Variants in G3BP2 observed in about 807,000 individuals in gnomAD.
The protein encoded by G3BP2 is ras GTPase-activating protein-binding protein 2.
A neutral mutation model predicts 56.7 loss-of-function variants in G3BP2; 11 were observed. The ratio of observed to expected loss-of-function variants is 0.19; its 90% CI spans 0.12 to 0.32. G3BP2 has a LOEUF of 0.32. G3BP2 is among the 10% of genes least tolerant of loss of function. The pLI, the probability that G3BP2 is intolerant of heterozygous loss-of-function variation, is 1.00. For synonymous variants in G3BP2, 165 were observed against 191.6 expected (o/e 0.86, Z 1.15); for missense variants, 340 against 610.9 (o/e 0.56, Z 4.67).
intron 3 of G3BP2, among the ~76,000 whole-genome samples, chr4:75,703,748 A>C (rs7659408): frequency 0.88 from 133,236 of 152,190 alleles, 58,342 homozygotes; most frequent in East Asian, 0.91. Context: ...AGCAGGCACC[A>C]GGATGTGGAT....
chr4:75,662,097 T>C (rs1238888993), intron 1 of G3BP2, 48 bp from the exon 2 acceptor site: 4 of 1,054,082 alleles, frequency 3.8e-6, no homozygotes, highest in East Asian at 2.4e-5. Flanking sequence ...ATCTTTGTCA[T>C]CAACCACCAT....
intron 3 of G3BP2, among the ~76,000 whole-genome samples, chr4:75,701,322 C>T (rs1309483436): frequency 6.6e-6 from 1 of 152,090 alleles, no homozygotes; most frequent in Admixed American, 6.5e-5. Flanking sequence ...GACACAGTCT[C>T]ACTCTTGCTG....
At chr4:75,686,505 G>A (rs1339874594) in intron 3 of G3BP2, among the ~76,000 whole-genome samples, 1 of 146,992 alleles carries the variant, frequency 6.8e-6, no homozygotes, top group Non-Finnish European at 1.5e-5. Flanking sequence ...AGCGAAGGAA[G>A]TGCAGTGGTT....
intron 3 of G3BP2, among the ~76,000 whole-genome samples, chr4:75,709,565 T>C (rs1456640861): frequency 6.7e-6 from 1 of 149,546 alleles, no homozygotes; most frequent in African/African-American, 2.5e-5. Flanking sequence ...TGAGCCATGA[T>C]CATGCCACTG....
chr4:75,711,307 A>G, intron 3 of G3BP2, among the ~76,000 whole-genome samples: 1 of 150,912 alleles, frequency 6.6e-6, no homozygotes, highest in South Asian at 2.1e-4. Flanking sequence ...CGGTTGAGTG[A>G]GACCCCATCT....
intron 3 of G3BP2, among the ~76,000 whole-genome samples, chr4:75,693,814 A>T (rs1397278352): frequency 1.3e-5 from 2 of 149,818 alleles, no homozygotes; most frequent in African/African-American, 4.9e-5. Context: ...GCTGGACTGC[A>T]ACCTCAAACT....
chr4:75,695,302 A>G (rs2149087257), intron 3 of G3BP2, among the ~76,000 whole-genome samples: 1 of 152,276 alleles, frequency 6.6e-6, no homozygotes, highest in South Asian at 2.1e-4. Flanking sequence ...ATCAGACTCA[A>G]TTCTAAGATC....
At chr4:75,695,994 AAAAAAAAG>A (rs201701465) in intron 3 of G3BP2, among the ~76,000 whole-genome samples, 4,239 of 12,524 alleles carry the variant, frequency 0.34, 405 homozygotes, top group African/African-American at 0.45. Context: ...AAAAAAAAAA[AAAAAAAAG>A]AGTTAACAGA....
chr4:75,693,731 G>A (rs559900557), intron 3 of G3BP2, among the ~76,000 whole-genome samples: 33 of 151,438 alleles, frequency 2.2e-4, no homozygotes, highest in African/African-American at 7.0e-4. Context: ...AGAGTTTGCA[G>A]TGAGCCAAGA....
chr4:75,672,560 G>A (rs993195198), intron 1 of G3BP2: 1 of 152,450 alleles, frequency 6.6e-6, no homozygotes, highest in South Asian at 2.1e-4. Flanking sequence ...GGAGAGGGGG[G>A]TTGGTCAAAC....
chr4:75,664,630 T>C (rs1732853757), intron 1 of G3BP2, among the ~76,000 whole-genome samples: 2 of 146,772 alleles, frequency 1.4e-5, no homozygotes, highest in Admixed American at 6.7e-5. Context: ...GGAGGATCAT[T>C]TGAGATCAGG....
intron 2 of G3BP2, among the ~76,000 whole-genome samples, chr4:75,660,852 A>T (rs758214238): frequency 6.6e-6 from 1 of 152,192 alleles, no homozygotes; most frequent in Non-Finnish European, 1.5e-5. Context: ...ATACACCAAG[A>T]AGAACAAAAA....
chr4:75,709,854 C>T (rs1236690689), intron 3 of G3BP2, among the ~76,000 whole-genome samples: 1 of 150,076 alleles, frequency 6.7e-6, no homozygotes, highest in Non-Finnish European at 1.5e-5. Context: ...CAGTTTTTTA[C>T]AGTATCATCT....
At chr4:75,660,686 A>G (rs913660695) in intron 2 of G3BP2, among the ~76,000 whole-genome samples, 3 of 152,250 alleles carry the variant, frequency 2.0e-5, no homozygotes, top group Non-Finnish European at 4.4e-5. Flanking sequence ...AATGCTAATT[A>G]AGATGACCTA....
At chr4:75,674,880 A>G (rs1238870803), upstream of G3BP2, among the ~76,000 whole-genome samples, 2 of 150,690 alleles carry the variant, frequency 1.3e-5, no homozygotes, top group South Asian at 2.1e-4. Flanking sequence ...ATGCCACCAC[A>G]CCCAACTAAT....
chr4:75,687,070 A>C (rs2149075830), intron 3 of G3BP2, among the ~76,000 whole-genome samples: 1 of 152,236 alleles, frequency 6.6e-6, no homozygotes, highest in South Asian at 2.1e-4. Flanking sequence ...CTCTAAATAC[A>C]TGCATACATA....
chr4:75,709,576 C>T (rs1038322512), intron 3 of G3BP2, among the ~76,000 whole-genome samples: 35 of 152,124 alleles, frequency 2.3e-4, no homozygotes, highest in Middle Eastern at 3.4e-3. Context: ...CATGCCACTG[C>T]ACTCCAGCCT....
In G3BP2 at chr4:75,644,158, G is replaced by A. The variant is rs1434612334; in HGVS notation, c.*1272C>T. Reference sequence around the variant, plus strand: ...GGCTTACTTGCCATTTATAGAATCTGACTGCTTTTAAAATGTCACTAAAAA... The same window carrying A: ...GGCTTACTTGCCATTTATAGAATCTAACTGCTTTTAAAATGTCACTAAAAA... On this transcript the variant is annotated 3_prime_UTR_variant, in exon 12 of 12. Coordinates refer to ENST00000359707, the MANE Select transcript of G3BP2 (RefSeq NM_203505.3). 6.6e-6 allele frequency: 1 copy of A among 152,528 alleles called. No homozygotes were observed. Among genetic ancestry groups the A allele is most frequent in the Non-Finnish European group, 1.5e-5 (1 of 68,044 alleles). 9.4% of individuals were successfully genotyped at this position (152,528 alleles called of 1,614,324 possible). A position where few individuals can be genotyped will look rare whatever the true frequency, so the allele number is the denominator to read the frequency against.
At chr4:75,678,043 G>A (rs536149683), upstream of G3BP2, among the ~76,000 whole-genome samples, 1 of 152,336 alleles carries the variant, frequency 6.6e-6, no homozygotes, top group South Asian at 2.1e-4. Context: ...AGCAGAGCAA[G>A]CCCTCACTAG....
Sources: gnomAD v4.1 joint callset for allele counts (sites outside exome capture counted in the v4.1 genomes callset) on GRCh38, gnomAD v4.1.1 for gene constraint, MANE v1.5 for transcripts, NCBI Gene and HGNC (gene_info 2026-07-23, HGNC 2026-07-21) for gene names.